BLTP3A: variants seen among roughly 807,000 people sequenced by gnomAD.
The protein encoded by BLTP3A is ICBP90 binding protein 1.
At chr6:34,803,807 G>A in the BLTP3A span, among the ~76,000 whole-genome samples, 1 of 152,006 alleles carries the variant, frequency 6.6e-6, no homozygotes, top group Non-Finnish European at 1.5e-5. Flanking sequence ...ATCCGAGTAA[G>A]GAGGGAATAC....
chr6:34,794,414 G>A, the BLTP3A span, among the ~76,000 whole-genome samples: 2 of 152,152 alleles, frequency 1.3e-5, no homozygotes, highest in Non-Finnish European at 2.9e-5. Flanking sequence ...TACACTATGT[G>A]CTCAATAAAA....
the BLTP3A span, chr6:34,870,905 C>T: frequency 5.0e-6 from 8 of 1,614,214 alleles, no homozygotes; most frequent in East Asian, 2.2e-5. Context: ...ATCAGGCCAG[C>T]TGTGGGCCTT....
At chr6:34,861,356 G>T in the BLTP3A span, among the ~76,000 whole-genome samples, 1 of 152,102 alleles carries the variant, frequency 6.6e-6, no homozygotes, top group Admixed American at 6.6e-5. Context: ...AAACTCTTGG[G>T]CTCAAGCGAT....
At chr6:34,824,702 G>T in the BLTP3A span, among the ~76,000 whole-genome samples, 2 of 150,464 alleles carry the variant, frequency 1.3e-5, no homozygotes, top group Non-Finnish European at 2.9e-5. Flanking sequence ...ACAGGGTCTC[G>T]CTCTGTCACC....
At chr6:34,859,335 G>A in the BLTP3A span, 3 of 1,613,828 alleles carry the variant, frequency 1.9e-6, no homozygotes, top group Non-Finnish European at 2.5e-6. Flanking sequence ...CTGCATTGAA[G>A]CCCCCAGCTG....
chr6:34,856,816 C>G, the BLTP3A span: 1 of 1,613,986 alleles, frequency 6.2e-7, no homozygotes, highest in African/African-American at 1.3e-5. Context: ...TCGAAAGAAC[C>G]CTCTTGAGAG....
chr6:34,863,583 A>T, the BLTP3A span, among the ~76,000 whole-genome samples: 1 of 152,088 alleles, frequency 6.6e-6, no homozygotes, highest in Middle Eastern at 3.2e-3. Flanking sequence ...CTTACTCATC[A>T]ATTTATCCGT....
chr6:34,873,767 A>G, the BLTP3A span: 2 of 152,266 alleles, frequency 1.3e-5, no homozygotes, highest in Non-Finnish European at 2.9e-5. Context: ...AAGGAAAGGT[A>G]AAAAGGTTTC....
the BLTP3A span, chr6:34,872,676 G>T: frequency 2.6e-6 from 1 of 389,292 alleles, no homozygotes; most frequent in East Asian, 4.5e-5. Context: ...TGTGGCACAA[G>T]CATCATGTCT....
the BLTP3A span, among the ~76,000 whole-genome samples, chr6:34,862,138 G>C: frequency 6.6e-6 from 1 of 152,036 alleles, no homozygotes; most frequent in Non-Finnish European, 1.5e-5. Context: ...CAGCACTTTG[G>C]GGGGCCAAGG....
At chr6:34,855,051 C>T in the BLTP3A span, among the ~76,000 whole-genome samples, 2 of 152,136 alleles carry the variant, frequency 1.3e-5, no homozygotes, top group African/African-American at 2.4e-5. Context: ...CTAAAAATTT[C>T]AGTTTACCTA....
chr6:34,862,303 G>A, the BLTP3A span, among the ~76,000 whole-genome samples: 1 of 152,054 alleles, frequency 6.6e-6, no homozygotes, highest in Non-Finnish European at 1.5e-5. Context: ...TTGAACCTGG[G>A]AGGCGGAGCT....
the BLTP3A span, among the ~76,000 whole-genome samples, chr6:34,796,330 G>A: frequency 6.6e-6 from 1 of 152,184 alleles, no homozygotes; most frequent in South Asian, 2.1e-4. Context: ...GATTTGAAGA[G>A]AATGGTATTC....
the BLTP3A span, among the ~76,000 whole-genome samples, chr6:34,827,204 G>C: frequency 1.3e-5 from 2 of 151,968 alleles, no homozygotes; most frequent in Non-Finnish European, 2.9e-5. Flanking sequence ...CCAGCTACTC[G>C]GGAGGCTGAG....
At chr6:34,821,562 T>C in the BLTP3A span, 1 of 1,253,308 alleles carries the variant, frequency 8.0e-7, no homozygotes, top group Non-Finnish European at 1.1e-6. Flanking sequence ...TTTAATTTTT[T>C]CTTTTCTCTA....
the BLTP3A span, among the ~76,000 whole-genome samples, chr6:34,801,943 T>C: frequency 6.6e-6 from 1 of 152,114 alleles, no homozygotes; most frequent in African/African-American, 2.4e-5. Context: ...TTCATCGTGT[T>C]AGCCAGGATG....
the BLTP3A span, among the ~76,000 whole-genome samples, chr6:34,866,679 C>T: frequency 1.3e-5 from 2 of 152,178 alleles, no homozygotes; most frequent in African/African-American, 4.8e-5. Flanking sequence ...TACTGTCTAT[C>T]TGCAGGATGT....
At chr6:34,854,321 TAA>T in the BLTP3A span, among the ~76,000 whole-genome samples, 1 of 152,188 alleles carries the variant, frequency 6.6e-6, no homozygotes, top group Non-Finnish European at 1.5e-5. Flanking sequence ...TATATTTATA[TAA>T]GTTGATCATT....
At chr6:34,809,210 T>C in the BLTP3A span, among the ~76,000 whole-genome samples, 1 of 151,954 alleles carries the variant, frequency 6.6e-6, no homozygotes, top group African/African-American at 2.4e-5. Flanking sequence ...TTGGGCAACA[T>C]GGCAAAACCC....
Sources: allele counts gnomAD v4.1 joint callset (sites outside exome capture counted in the v4.1 genomes callset), GRCh38; gene constraint gnomAD v4.1.1; transcripts MANE v1.5; gene names NCBI Gene and HGNC (gene_info 2026-07-23, HGNC 2026-07-21).